Variants in KDM6A observed in about 807,000 individuals in gnomAD.
KDM6A encodes the protein lysine demethylase 6A, also known as lysine-specific demethylase 6A.
Under a neutral mutation model 117.6 loss-of-function variants are expected in KDM6A, and 11 were observed. The observed-to-expected ratio is 0.09, with a 90% CI of 0.06 to 0.15. KDM6A has a LOEUF of 0.15. Ranked by LOEUF, KDM6A falls within the 10% of genes least tolerant of loss-of-function variation. The pLI is 1.00. For synonymous variants in KDM6A, 384 were observed against 396.1 expected (o/e 0.97, Z 0.36); for missense variants, 799 against 1,077.3 (o/e 0.74, Z 3.62).
intron 27 of KDM6A, among the ~76,000 whole-genome samples, chrX:45,097,629 A>G (rs1414766087): frequency 5.4e-5 from 6 of 111,472 alleles, no homozygotes. Context: ...GTTATTTAAT[A>G]ATGGGAAATG....
chrX:45,015,811 T>C (rs7052859), intron 5 of KDM6A, among the ~76,000 whole-genome samples: 1 of 112,029 alleles, frequency 8.9e-6, no homozygotes, highest in African/African-American at 3.3e-5. Context: ...CAGTGATACA[T>C]AGATTGCCAG....
At chrX:45,000,648 C>T (rs367872718) in intron 4 of KDM6A, among the ~76,000 whole-genome samples, 6 of 112,865 alleles carry the variant, frequency 5.3e-5, no homozygotes, top group Admixed American at 3.7e-4. Context: ...CTCCAAGGAA[C>T]GCCGTTTCTT....
chrX:44,928,124 A>G (rs1432379048), intron 2 of KDM6A, among the ~76,000 whole-genome samples: 2 of 112,583 alleles, frequency 1.8e-5, no homozygotes, highest in Non-Finnish European at 3.8e-5. Context: ...TACAACAGCT[A>G]TAAAGAACAC....
At chrX:44,978,061 G>A (rs995817225) in intron 4 of KDM6A, among the ~76,000 whole-genome samples, 7 of 112,296 alleles carry the variant, frequency 6.2e-5, no homozygotes, top group African/African-American at 2.3e-4. Context: ...TTCTATTTCT[G>A]TGTAGTCAGA....
chrX:45,041,645 C>CA (rs2043218251), intron 8 of KDM6A, among the ~76,000 whole-genome samples: 1 of 110,709 alleles, frequency 9.0e-6, no homozygotes, highest in East Asian at 2.9e-4. Flanking sequence ...CCCCACCTCT[C>CA]AGACGATGGG....
At chrX:45,041,283 C>T (rs1399391565) in intron 8 of KDM6A, among the ~76,000 whole-genome samples, 1 of 83,326 alleles carries the variant, frequency 1.2e-5, no homozygotes, top group Non-Finnish European at 2.3e-5. Context: ...CCGGACTGGG[C>T]AGCTGGCCGG....
intron 27 of KDM6A, among the ~76,000 whole-genome samples, chrX:45,092,506 A>C: frequency 9.0e-6 from 1 of 111,382 alleles, no homozygotes; most frequent in Non-Finnish European, 1.9e-5. Context: ...ATTTGGTCCC[A>C]ATTTCCTAAA....
At chrX:44,948,202 T>TC (rs2037773869) in intron 2 of KDM6A, among the ~76,000 whole-genome samples, 1 of 111,912 alleles carries the variant, frequency 8.9e-6, no homozygotes, top group Non-Finnish European at 1.9e-5. Flanking sequence ...TCTTGAGGGC[T>TC]CTTAAGATTG....
Position 45,053,542 on chromosome X carries a change from T to C in KDM6A, c.749-287T>C, listed in dbSNP as rs113402110. Among the ~76,000 whole-genome samples the C allele has an allele frequency of 0.04, 4,536 of 112,292 alleles. 83 individuals carry two copies. Among genetic ancestry groups the C allele is most frequent in the Middle Eastern group, 0.083 (18 of 217 alleles). On this transcript the variant is annotated intron_variant, in intron 9 of 29. Coordinates refer to ENST00000611820, the MANE Select transcript of KDM6A (RefSeq NM_001291415.2). ...TCGTAACTTGGAATTTTTTCAGATA[T>C]CAAAATTAGAAAAGTCTGATTTATA...
chrX:45,111,679 G>A lies in KDM6A; in HGVS notation c.*268G>A, dbSNP rs2046772349. ...CTGACAAAACTGGCAACATCTTACAGACTACTGACTTGAAGACAACCTCTT... is the reference window on the plus strand; with the variant it reads ...CTGACAAAACTGGCAACATCTTACAAACTACTGACTTGAAGACAACCTCTT... On this transcript the variant is annotated 3_prime_UTR_variant, in exon 30 of 30. Coordinates refer to ENST00000611820, the MANE Select transcript of KDM6A (RefSeq NM_001291415.2). 4 of 306,062 alleles carry A rather than the reference G, an allele frequency of 1.3e-5. No homozygotes were observed. The highest frequency in any genetic ancestry group is 2.3e-5 in the Non-Finnish European group (4 of 173,662). 25.2% of individuals were successfully genotyped at this position (306,062 alleles called of 1,213,427 possible). A position where few individuals can be genotyped will look rare whatever the true frequency, so the allele number is the denominator to read the frequency against.
At chrX:45,044,259 T>A (rs2043427454) in intron 8 of KDM6A, among the ~76,000 whole-genome samples, 1 of 112,005 alleles carries the variant, frequency 8.9e-6, no homozygotes, top group Non-Finnish European at 1.9e-5. Flanking sequence ...TTTTATTAGC[T>A]GGGACCTCCA....
intron 5 of KDM6A, among the ~76,000 whole-genome samples, chrX:45,020,223 A>G (rs1378145193): frequency 1.8e-5 from 2 of 111,850 alleles, no homozygotes; most frequent in Non-Finnish European, 1.9e-5. Context: ...AGAGTAGACC[A>G]GAAACAAGAT....
In KDM6A at chrX:45,059,432, C is replaced by T. The variant is rs780021220; in HGVS notation, c.1160C>T (p.Thr387Ile). 11 of 1,206,765 alleles carry T rather than the reference C, an allele frequency of 9.1e-6. No individual in the cohort carries two copies. The highest frequency in any genetic ancestry group is 1.2e-5 in the Non-Finnish European group (11 of 892,654). The change falls in exon 12 of 30, where the codon ACC becomes ATC. Residue 387 changes from threonine to isoleucine, a missense_variant. Around this residue, in one of 8 missense-constraint regions of KDM6A, gnomAD observed 36 missense variants for 44.4 expected, o/e 0.81. Coordinates refer to ENST00000611820, the MANE Select transcript of KDM6A (RefSeq NM_001291415.2). ...ACTAGAAGCAAAAGTTGTAGTAATA[C>T]CTCTGCACTTGCAGCACGAATTAAG... The part of the protein sequence containing the change: ...NATRSKSCSN[T>I]SALAARIKYL...
chrX:44,890,793 T>TACAGG (rs1170223538), intron 2 of KDM6A, among the ~76,000 whole-genome samples: 2 of 106,737 alleles, frequency 1.9e-5, no homozygotes, highest in African/African-American at 6.8e-5. Context: ...TAGCTGGGAT[T>TACAGG]ACAGGCGCCC....
chrX:45,034,135 AG>A (rs1476917326), intron 6 of KDM6A, among the ~76,000 whole-genome samples: 2 of 111,526 alleles, frequency 1.8e-5, no homozygotes, highest in African/African-American at 6.5e-5. Flanking sequence ...TTTTTAACTT[AG>A]ATTTTATACC....
chrX:45,068,823 TCTTTCCCTTTCC>T (rs1556327258), intron 17 of KDM6A, among the ~76,000 whole-genome samples: 10 of 95,845 alleles, frequency 1.0e-4, no homozygotes, highest in South Asian at 4.5e-4. Context: ...TTTCTCTTTC[TCTTTCCCTTTCC>T]CTTTCCCTTT....
At chrX:45,043,768 A>C (rs748194493) in intron 8 of KDM6A, among the ~76,000 whole-genome samples, 11 of 110,834 alleles carry the variant, frequency 9.9e-5, no homozygotes, top group Non-Finnish European at 1.9e-4. Context: ...ACAGAGTGAG[A>C]CTGTTTAAAG....
In KDM6A at chrX:45,063,503, T is replaced by A. The variant is rs760915465; in HGVS notation, c.1765T>A (p.Ser589Thr). The part of the protein sequence containing the change: ...PTADSSLPTN[S>T]VSGQQPQLAL... ...AGCTGACTCATCACTGCCTACAAAC[T>A]CAGTCTCTGGCCAGCAGCCACAGCT... is the stretch of plus-strand genomic sequence containing the variant. Residue 589 changes from serine to threonine, a missense_variant, in exon 17 of 30, where the codon TCA becomes ACA. This residue lies in a region of KDM6A where 301 missense variants were observed against 318.3 expected (regional missense o/e 0.95). Transcript: ENST00000611820. 1 of 1,208,882 alleles carries A rather than the reference T, an allele frequency of 8.3e-7. No homozygotes were observed. The highest frequency in any genetic ancestry group is 1.8e-5 in the African/African-American group (1 of 56,874).
chrX:45,094,436 A>G (rs1202748125), intron 27 of KDM6A, among the ~76,000 whole-genome samples: 1 of 111,623 alleles, frequency 9.0e-6, no homozygotes, highest in African/African-American at 3.3e-5. Context: ...CTTAAAACCA[A>G]ACTCTTGCAC....
Sources: gnomAD v4.1 joint callset for allele counts (sites outside exome capture counted in the v4.1 genomes callset) on GRCh38, gnomAD v4.1.1 for gene constraint, gnomAD v4.1.1 regional missense constraint, MANE v1.5 for transcripts, NCBI Gene and HGNC (gene_info 2026-07-23, HGNC 2026-07-21) for gene names.